The following ZMAT4 variants were observed in gnomAD, a reference collection of about 807,000 sequenced individuals.
ZMAT4 encodes the protein zinc finger matrin-type 4.
A neutral mutation model predicts 28.7 loss-of-function variants in ZMAT4; 17 were observed. That is an observed-to-expected ratio of 0.59 (90% CI 0.41 to 0.89). ZMAT4 has a LOEUF of 0.89. ZMAT4 is among the 40% of genes least tolerant of loss of function. The pLI is 0.00. For synonymous variants in ZMAT4, 117 were observed against 109.2 expected, an observed-to-expected ratio of 1.07 and a Z score of -0.44; for missense variants, 240 against 283.8, an observed-to-expected ratio of 0.85 and a Z score of 1.11.
At chr8:40,887,535 T>G (rs1481495734) in intron 1 of ZMAT4, among the ~76,000 whole-genome samples, 2 of 151,132 alleles carry the variant, frequency 1.3e-5, no homozygotes, top group African/African-American at 4.9e-5. Context: ...AAATAGTGGT[T>G]TGGTATAGGA....
Position 40,751,889 on chromosome 8 carries a change from A to AC in ZMAT4, c.192+15751dup, listed in dbSNP as rs541304208. Among the ~76,000 whole-genome samples, 13 of 151,934 alleles carry AC rather than the reference A, an allele frequency of 8.6e-5. No homozygotes were observed. In the South Asian group the frequency reaches 1.0e-3, roughly 12 times the overall value. On this transcript the variant is annotated intron_variant, in intron 3 of 6. Transcript: ENST00000297737. ...CAGTATTATGAAAATATGAACATCA[A>AC]CCCCCCCTGTGCAAAATGCTGAGGA...
intron 3 of ZMAT4, among the ~76,000 whole-genome samples, chr8:40,757,108 A>G (rs928597099): frequency 3.1e-4 from 47 of 152,184 alleles, no homozygotes; most frequent in African/African-American, 1.1e-3. Context: ...GGTAACAAGC[A>G]TGGCTCCAAA....
intron 2 of ZMAT4, among the ~76,000 whole-genome samples, chr8:40,801,703 A>C (rs1286447786): frequency 6.6e-6 from 1 of 152,114 alleles, no homozygotes; most frequent in South Asian, 2.1e-4. Context: ...CAATAATTCC[A>C]TAAGCTGCTT....
intron 1 of ZMAT4, among the ~76,000 whole-genome samples, chr8:40,864,221 C>T (rs1435055667): frequency 1.3e-5 from 2 of 152,198 alleles, no homozygotes; most frequent in Non-Finnish European, 2.9e-5. Flanking sequence ...GCCTGAGCCA[C>T]GAAAATCAGC....
intron 6 of ZMAT4, among the ~76,000 whole-genome samples, chr8:40,550,818 G>A (rs1197707922): frequency 6.6e-6 from 1 of 152,080 alleles, no homozygotes; most frequent in Non-Finnish European, 1.5e-5. Context: ...AAATTACCCA[G>A]TTTCAAGTAT....
chr8:40,768,978 T>A (rs532920877), intron 2 of ZMAT4, among the ~76,000 whole-genome samples: 1 of 152,318 alleles, frequency 6.6e-6, no homozygotes, highest in South Asian at 2.1e-4. Flanking sequence ...GAAAGTTGCA[T>A]CTTGTTTACA....
chr8:40,892,319 C>T (rs554971451), intron 1 of ZMAT4, among the ~76,000 whole-genome samples: 79 of 152,320 alleles, frequency 5.2e-4, no homozygotes, highest in Middle Eastern at 6.8e-3. Flanking sequence ...CCCATCCCCT[C>T]CTCTCAGCTC....
chr8:40,793,522 G>A (rs1005127620), intron 2 of ZMAT4, among the ~76,000 whole-genome samples: 3 of 152,196 alleles, frequency 2.0e-5, no homozygotes, highest in African/African-American at 4.8e-5. Flanking sequence ...ATCCTTTTGC[G>A]AATTTGCTGC....
chr8:40,667,651 T>C, intron 5 of ZMAT4, among the ~76,000 whole-genome samples: 1 of 152,050 alleles, frequency 6.6e-6, no homozygotes, highest in East Asian at 1.9e-4. Flanking sequence ...GCTGGAAACC[T>C]TGAATAACAC....
At chr8:40,834,092 G>T (rs1816390477) in intron 1 of ZMAT4, among the ~76,000 whole-genome samples, 1 of 152,164 alleles carries the variant, frequency 6.6e-6, no homozygotes, top group Non-Finnish European at 1.5e-5. Context: ...ATAAAACCAG[G>T]TTCTTTGATT....
intron 1 of ZMAT4, among the ~76,000 whole-genome samples, chr8:40,860,324 T>A (rs1335160996): frequency 6.6e-6 from 1 of 152,090 alleles, no homozygotes; most frequent in East Asian, 1.9e-4. Context: ...CCAGATAGGA[T>A]CCAGTATTTA....
intron 6 of ZMAT4, among the ~76,000 whole-genome samples, chr8:40,543,478 C>A (rs1488989615): frequency 6.6e-6 from 1 of 152,156 alleles, no homozygotes; most frequent in African/African-American, 2.4e-5. Flanking sequence ...GATCCCCCAC[C>A]CCAAATAACG....
intron 6 of ZMAT4, among the ~76,000 whole-genome samples, chr8:40,566,613 G>T (rs1803934578): frequency 6.6e-6 from 1 of 152,064 alleles, no homozygotes; most frequent in African/African-American, 2.4e-5. Flanking sequence ...ATAGAAACCT[G>T]TATGACTTCC....
At chr8:40,710,784 C>CTTTTCT (rs1810578144) in intron 3 of ZMAT4, among the ~76,000 whole-genome samples, 4 of 119,828 alleles carry the variant, frequency 3.3e-5, no homozygotes, top group Non-Finnish European at 7.1e-5. Context: ...AAGATCAAGA[C>CTTTTCT]TTTTCTTTTT....
At chr8:40,796,560 A>C (rs1814607566) in intron 2 of ZMAT4, among the ~76,000 whole-genome samples, 1 of 152,142 alleles carries the variant, frequency 6.6e-6, no homozygotes, top group Non-Finnish European at 1.5e-5. Flanking sequence ...TGGTATTTAA[A>C]GAAAAGAAAG....
In ZMAT4 at chr8:40,541,062, AAC is replaced by A. The variant is rs554828094; in HGVS notation, c.675-8826_675-8825del. On this transcript the variant is annotated intron_variant, in intron 6 of 6. Transcript: ENST00000297737. ...AACTATAAAATGGGTATAATATAAT[AAC>A]ACACAGACCTCACAGGGCTGCTTTG... Among the ~76,000 whole-genome samples the A allele has an allele frequency of 4.8e-3, 729 of 152,338 alleles. 11 individuals are homozygous for A. The highest frequency in any genetic ancestry group is 0.017 in the African/African-American group (693 of 41,582).
At chr8:40,761,058 G>A (rs1164580055) in intron 3 of ZMAT4, among the ~76,000 whole-genome samples, 1 of 152,048 alleles carries the variant, frequency 6.6e-6, no homozygotes, top group Non-Finnish European at 1.5e-5. Context: ...GGGTGGGCTG[G>A]GGCAGTGGGG....
At chr8:40,535,274 A>C (rs1412336292) in intron 6 of ZMAT4, among the ~76,000 whole-genome samples, 1 of 152,116 alleles carries the variant, frequency 6.6e-6, no homozygotes, top group Non-Finnish European at 1.5e-5. Flanking sequence ...TTCCACCACT[A>C]GTCTTTCCCC....
intron 4 of ZMAT4, among the ~76,000 whole-genome samples, chr8:40,680,531 G>A (rs1271265228): frequency 2.6e-5 from 4 of 152,078 alleles, no homozygotes; most frequent in African/African-American, 9.7e-5. Context: ...CAGACCACCA[G>A]GTGGGCGTCA....
Sources: gnomAD v4.1 joint callset for allele counts (sites outside exome capture counted in the v4.1 genomes callset) on GRCh38, gnomAD v4.1.1 for gene constraint, MANE v1.5 for transcripts, NCBI Gene and HGNC (gene_info 2026-07-23, HGNC 2026-07-21) for gene names.